Variants in OPCML observed in about 807,000 individuals in gnomAD.
The protein encoded by OPCML is opioid-binding protein/cell adhesion molecule.
A neutral mutation model predicts 37.8 loss-of-function variants in OPCML; 13 were observed. The observed-to-expected ratio is 0.34, with a 90% CI of 0.22 to 0.55. The LOEUF (loss-of-function observed/expected upper bound fraction) is 0.55, where lower values mean the gene tolerates loss of function less well. Ranked by LOEUF, OPCML falls within the 20% of genes least tolerant of loss-of-function variation. The pLI, the probability that OPCML is intolerant of heterozygous loss-of-function variation, is 0.91. For missense variants in OPCML, 341 were observed against 435.6 expected (o/e 0.78, Z 1.93); for synonymous variants, 176 against 168.8 (o/e 1.04, Z -0.33).
chr11:132,865,561 C>A (rs1942502788), intron 2 of OPCML, among the ~76,000 whole-genome samples: 1 of 152,158 alleles, frequency 6.6e-6, no homozygotes, highest in Non-Finnish European at 1.5e-5. Flanking sequence ...CTGCCTGAAT[C>A]CAGCTTACTG....
chr11:132,856,323 G>A (rs75933937), intron 2 of OPCML, among the ~76,000 whole-genome samples: 14,315 of 152,196 alleles, frequency 0.094, 749 homozygotes, highest in Middle Eastern at 0.18. Context: ...AGGATATGGC[G>A]TAAATGTAAA....
At chr11:133,463,119 CAA>C (rs558107695) in intron 1 of OPCML, among the ~76,000 whole-genome samples, 7 of 49,892 alleles carry the variant, frequency 1.4e-4, no homozygotes, top group Non-Finnish European at 2.9e-4. Flanking sequence ...ACATCAGGCT[CAA>C]AAAAAAAAAA....
At chr11:133,427,368 G>A (rs979860315) in intron 1 of OPCML, among the ~76,000 whole-genome samples, 2 of 131,096 alleles carry the variant, frequency 1.5e-5, no homozygotes, top group Non-Finnish European at 3.1e-5. Context: ...AAATTAATAT[G>A]GGATCAAAGG....
intron 1 of OPCML, among the ~76,000 whole-genome samples, chr11:133,287,678 G>A (rs1251520233): frequency 6.6e-6 from 1 of 152,172 alleles, no homozygotes; most frequent in Non-Finnish European, 1.5e-5. Flanking sequence ...ACCAGGGGAG[G>A]CTTCTGGAGA....
chr11:132,451,403 G>C (rs2096068100), intron 4 of OPCML, among the ~76,000 whole-genome samples: 1 of 152,002 alleles, frequency 6.6e-6, no homozygotes, highest in Admixed American at 6.5e-5. Flanking sequence ...GCGCAGACGG[G>C]AGGACACAGC....
chr11:132,732,782 T>C (rs1462777842), intron 2 of OPCML, among the ~76,000 whole-genome samples: 1 of 150,768 alleles, frequency 6.6e-6, no homozygotes, highest in East Asian at 1.9e-4. Flanking sequence ...AGCAGAAAAG[T>C]CTTGAATGAC....
intron 2 of OPCML, among the ~76,000 whole-genome samples, chr11:132,773,629 C>T (rs1465166855): frequency 2.0e-5 from 3 of 152,170 alleles, no homozygotes; most frequent in Non-Finnish European, 4.4e-5. Context: ...GAAAACTGTG[C>T]CTCACCCATA....
chr11:133,439,369 C>A (rs1434717458), intron 1 of OPCML: 45 of 985,004 alleles, frequency 4.6e-5, no homozygotes, highest in Non-Finnish European at 5.3e-5. Context: ...CATGCCACAC[C>A]TAGATGAGTT....
At chr11:132,826,021 G>T (rs1940307963) in intron 2 of OPCML, among the ~76,000 whole-genome samples, 1 of 152,130 alleles carries the variant, frequency 6.6e-6, no homozygotes, top group Non-Finnish European at 1.5e-5. Context: ...CAGAATAATA[G>T]TTTCCACAAT....
intron 3 of OPCML, among the ~76,000 whole-genome samples, chr11:132,564,786 G>C (rs2096418632): frequency 6.6e-6 from 1 of 152,190 alleles, no homozygotes; most frequent in Admixed American, 6.5e-5. Flanking sequence ...AAACATGCTA[G>C]GAAAGCTCAG....
At chr11:133,365,904 C>T (rs1284501883) in intron 1 of OPCML, 1 of 152,192 alleles carries the variant, frequency 6.6e-6, no homozygotes, top group African/African-American at 2.4e-5. Flanking sequence ...AAAAAATAGG[C>T]CACATGGCCA....
At chr11:133,217,549 G>C (rs529555538) in intron 1 of OPCML, among the ~76,000 whole-genome samples, 1 of 152,118 alleles carries the variant, frequency 6.6e-6, no homozygotes, top group South Asian at 2.1e-4. Context: ...ACTTCCCTCT[G>C]CCCCACACGA....
rs559243992 is a variant in OPCML, at chr11:133,448,615, G to T, written c.61+83649C>A. ...TGGGGTTACAGGTGCCTGCCACCAT[G>T]CCCAGCTAATTATTATATTTTTAGT... On this transcript the variant is annotated intron_variant, in intron 1 of 7. Transcript: ENST00000524381. 2.9e-4 allele frequency among the ~76,000 whole-genome samples: 44 copies of T among 152,216 alleles called. 1 individual carries two copies. The East Asian group carries it at 8.1e-3, about 28-fold the overall frequency.
chr11:133,505,461 C>T (rs577702771), intron 1 of OPCML, among the ~76,000 whole-genome samples: 1 of 152,308 alleles, frequency 6.6e-6, no homozygotes, highest in Admixed American at 6.5e-5. Context: ...AACCTCCTAC[C>T]ACCAAATGCA....
rs900183363 is a variant in OPCML at position 133,434,196 on chromosome 11, G to A, written c.61+98068C>T. 2.0e-5 allele frequency among the ~76,000 whole-genome samples: 3 copies of A among 152,004 alleles called. 1 individual carries two copies. Among genetic ancestry groups the A allele is most frequent in the Non-Finnish European group, 2.9e-5 (2 of 68,000 alleles). Reference sequence around the variant, plus strand: ...TACACTATTCACTTTCCTCATGAAAGCTCCCTGCCTCCTCACTCACGTCTT... The same window carrying A: ...TACACTATTCACTTTCCTCATGAAAACTCCCTGCCTCCTCACTCACGTCTT... On this transcript the variant is annotated intron_variant, in intron 1 of 7. Coordinates refer to ENST00000524381, the MANE Select transcript of OPCML (RefSeq NM_001012393.5).
chr11:132,426,716 G>A (rs2095978885), intron 7 of OPCML, among the ~76,000 whole-genome samples: 1 of 152,212 alleles, frequency 6.6e-6, no homozygotes, highest in African/African-American at 2.4e-5. Context: ...ACAGGCATGA[G>A]CCACCACGCC....
At chr11:132,692,716 G>A (rs1943451872) in intron 2 of OPCML, among the ~76,000 whole-genome samples, 1 of 152,138 alleles carries the variant, frequency 6.6e-6, no homozygotes, top group Admixed American at 6.5e-5. Context: ...GTTATAATAG[G>A]TGCTCCATGA....
At chr11:132,490,564 C>T (rs183590896) in intron 4 of OPCML, among the ~76,000 whole-genome samples, 5 of 152,124 alleles carry the variant, frequency 3.3e-5, no homozygotes, top group Middle Eastern at 3.4e-3. Flanking sequence ...AAATGAAGAA[C>T]CTCCAGCACG....
At chr11:132,789,914 C>A (rs1176265095) in intron 2 of OPCML, among the ~76,000 whole-genome samples, 3 of 152,082 alleles carry the variant, frequency 2.0e-5, no homozygotes, top group Non-Finnish European at 4.4e-5. Flanking sequence ...CTGCATTGAA[C>A]CACAGCAGCT....
Sources: allele counts gnomAD v4.1 joint callset (sites outside exome capture counted in the v4.1 genomes callset), GRCh38; gene constraint gnomAD v4.1.1; transcripts MANE v1.5; gene names NCBI Gene and HGNC (gene_info 2026-07-23, HGNC 2026-07-21).